SAMD5: variants seen among roughly 807,000 people sequenced by gnomAD.
The protein encoded by SAMD5 is sterile alpha motif domain-containing protein 5.
A neutral mutation model predicts 11.3 loss-of-function variants in SAMD5; 13 were observed. The ratio of observed to expected loss-of-function variants is 1.15; its 90% CI spans 0.75 to 1.83. The LOEUF is 1.83. Ranked by LOEUF, SAMD5 falls within the 40% of genes most tolerant of loss-of-function variation. SAMD5 has a pLI of 0.00. For synonymous variants in SAMD5, 129 were observed against 111.3 expected, an observed-to-expected ratio of 1.16 and a Z score of -1.00; for missense variants, 255 against 239.1, an observed-to-expected ratio of 1.07 and a Z score of -0.44.
the SAMD5 span, among the ~76,000 whole-genome samples, chr6:147,860,522 A>T: frequency 3.9e-3 from 588 of 152,322 alleles, 7 homozygotes; most frequent in South Asian, 0.039. Flanking sequence ...ATGATTCTTT[A>T]CTTTGAAGTC....
intron 1 of SAMD5, among the ~76,000 whole-genome samples, chr6:147,686,128 T>C (rs2128456642): frequency 6.6e-6 from 1 of 152,340 alleles, no homozygotes; most frequent in African/African-American, 2.4e-5. Context: ...TATTTTGCCG[T>C]TTTTAAAACA....
intron 1 of SAMD5, among the ~76,000 whole-genome samples, chr6:147,646,050 CT>C (rs1790395626): frequency 8.0e-6 from 1 of 124,286 alleles, no homozygotes; most frequent in Non-Finnish European, 1.6e-5. Flanking sequence ...ATCTATCTAT[CT>C]ATCTATCTAT....
At chr6:147,615,428 TTA>T (rs1391385400) in intron 1 of SAMD5, among the ~76,000 whole-genome samples, 1 of 152,224 alleles carries the variant, frequency 6.6e-6, no homozygotes, top group East Asian at 1.9e-4. Flanking sequence ...GTAATAGTTA[TTA>T]ACTTAAAAAT....
chr6:147,839,692 G>A, the SAMD5 span, among the ~76,000 whole-genome samples: 1 of 152,342 alleles, frequency 6.6e-6, no homozygotes, highest in East Asian at 1.9e-4. Flanking sequence ...AGAGGTTGCA[G>A]TGAGCTGAGG....
chr6:147,768,508 AAACAAC>A, the SAMD5 span, among the ~76,000 whole-genome samples: 4 of 152,138 alleles, frequency 2.6e-5, no homozygotes, highest in Non-Finnish European at 5.9e-5. Context: ...AAACAAAACA[AAACAAC>A]AACAACAACA....
the SAMD5 span, among the ~76,000 whole-genome samples, chr6:147,814,706 T>C: frequency 1.3e-5 from 2 of 152,198 alleles, no homozygotes; most frequent in Admixed American, 6.5e-5. Context: ...TTTACAGCCT[T>C]TTATTCTTCT....
the SAMD5 span, among the ~76,000 whole-genome samples, chr6:147,856,075 A>G: frequency 6.6e-6 from 1 of 152,322 alleles, no homozygotes; most frequent in Admixed American, 6.5e-5. Context: ...ATAGCGATAC[A>G]ATGGAATACT....
intron 1 of SAMD5, among the ~76,000 whole-genome samples, chr6:147,594,002 G>A (rs1374019984): frequency 6.6e-6 from 1 of 152,018 alleles, no homozygotes; most frequent in Non-Finnish European, 1.5e-5. Flanking sequence ...GTGTGCAGGT[G>A]CCTGTAATCC....
chr6:147,779,170 C>T, the SAMD5 span, among the ~76,000 whole-genome samples: 5 of 152,178 alleles, frequency 3.3e-5, no homozygotes, highest in East Asian at 9.7e-4. Context: ...CACATATACA[C>T]ACACACATTA....
intron 1 of SAMD5, among the ~76,000 whole-genome samples, chr6:147,662,577 C>A (rs945032491): frequency 6.6e-6 from 1 of 152,056 alleles, no homozygotes; most frequent in African/African-American, 2.4e-5. Context: ...AAATGAAATC[C>A]CCCTGGAAAT....
the SAMD5 span, among the ~76,000 whole-genome samples, chr6:147,921,638 TC>T: frequency 6.6e-6 from 1 of 152,214 alleles, no homozygotes; most frequent in African/African-American, 2.4e-5. Context: ...CAGATGTTAA[TC>T]CTGCTTTATC....
chr6:147,701,406 G>T (rs773515138), intron 1 of SAMD5, among the ~76,000 whole-genome samples: 87 of 152,206 alleles, frequency 5.7e-4, no homozygotes, highest in Non-Finnish European at 9.7e-4. Context: ...GGCCCAGGCA[G>T]GTGGATCACC....
intron 1 of SAMD5, among the ~76,000 whole-genome samples, chr6:147,658,230 CAGA>C (rs1380136571): frequency 2.4e-4 from 36 of 152,116 alleles, no homozygotes. Flanking sequence ...ACATTTTATT[CAGA>C]AGATGTTAAG....
intron 1 of SAMD5, among the ~76,000 whole-genome samples, chr6:147,553,251 C>G (rs73787095): frequency 0.081 from 12,341 of 152,218 alleles, 1,193 homozygotes; most frequent in African/African-American, 0.23. Context: ...ATGCCCAAGG[C>G]CATCCATCCA....
intron 1 of SAMD5, among the ~76,000 whole-genome samples, chr6:147,631,760 G>A (rs1790155990): frequency 6.6e-6 from 1 of 152,094 alleles, no homozygotes; most frequent in Non-Finnish European, 1.5e-5. Flanking sequence ...GCCAGTCCTG[G>A]GCAGGGGCAA....
intron 1 of SAMD5, among the ~76,000 whole-genome samples, chr6:147,707,012 G>A (rs375369471): frequency 5.3e-5 from 8 of 152,264 alleles, no homozygotes; most frequent in African/African-American, 1.9e-4. Flanking sequence ...CTAACACTTG[G>A]TTATGTACAA....
At chr6:147,693,232 T>C (rs1791128610) in intron 1 of SAMD5, among the ~76,000 whole-genome samples, 1 of 152,226 alleles carries the variant, frequency 6.6e-6, no homozygotes, top group Non-Finnish European at 1.5e-5. Context: ...TTGACCTCCA[T>C]GGCATCCCTA....
intron 1 of SAMD5, among the ~76,000 whole-genome samples, chr6:147,723,201 T>G (rs1430526934): frequency 6.6e-6 from 1 of 152,174 alleles, no homozygotes; most frequent in Non-Finnish European, 1.5e-5. Context: ...GGTAAGGCTT[T>G]CTCACCATTT....
intron 1 of SAMD5, among the ~76,000 whole-genome samples, chr6:147,629,321 AAT>A (rs1491537700): frequency 3.0e-4 from 36 of 118,694 alleles, no homozygotes; most frequent in Admixed American, 5.8e-4. Context: ...AAAAAATAAT[AAT>A]AAAAAAAATC....
Sources: gnomAD v4.1 joint callset for allele counts (sites outside exome capture counted in the v4.1 genomes callset) on GRCh38, gnomAD v4.1.1 for gene constraint, MANE v1.5 for transcripts, NCBI Gene and HGNC (gene_info 2026-07-23, HGNC 2026-07-21) for gene names.